DCPS: variants seen among roughly 807,000 people sequenced by gnomAD.
DCPS encodes the protein decapping enzyme, scavenger, also known as m7GpppX diphosphatase.
A neutral mutation model predicts 34.7 loss-of-function variants in DCPS; 27 were observed. The observed-to-expected ratio is 0.78, with a 90% CI of 0.57 to 1.07. The LOEUF is 1.07. Among genes scored for constraint, DCPS ranks in the 50% least tolerant of loss-of-function variants. DCPS has a pLI of 0.00. For missense variants in DCPS, 464 were observed against 436.9 expected, an observed-to-expected ratio of 1.06 and a Z score of -0.55; for synonymous variants, 185 against 185.7, an observed-to-expected ratio of 1.00 and a Z score of 0.03.
At position 126,320,709 on chromosome 11, in the gene DCPS, G is replaced by T. The variant is rs572205246; in HGVS notation, c.377-10696G>T. The stretch of plus-strand genomic sequence containing the variant: ...TTCCAGCTACCTGGGAGGTTGAGAC[G>T]GGAAGATCACTTCAGTCCAGGACAT... On this transcript the variant is annotated intron_variant, in intron 2 of 5. Coordinates refer to ENST00000263579, the MANE Select transcript of DCPS (RefSeq NM_014026.6). The surrounding 1 kb of genome is among the most constrained non-coding windows in gnomAD (Gnocchi z 4.7). 1.3e-3 allele frequency among the ~76,000 whole-genome samples: 195 copies of T among 152,146 alleles called. No individual in the cohort carries two copies. The highest frequency in any genetic ancestry group is 4.6e-3 in the African/African-American group (189 of 41,504).
chr11:126,345,405 AC>A lies in DCPS; in HGVS notation c.808del (p.Leu270CysfsTer32). 1 of 1,614,174 alleles carries A rather than the reference AC, an allele frequency of 6.2e-7. No homozygotes were observed. Among genetic ancestry groups the A allele is most frequent in the South Asian group, 1.1e-5 (1 of 91,086 alleles). On this transcript the variant is annotated frameshift_variant, in exon 6 of 6. Coordinates refer to ENST00000263579, the MANE Select transcript of DCPS (RefSeq NM_014026.6). LOFTEE classifies it high-confidence loss of function. The surrounding 1 kb of genome is among the most constrained non-coding windows in gnomAD (Gnocchi z 7.4). The part of the protein sequence containing the change: ...KGDHLRVYLH[Y>X]LPSYYHLHVH... The stretch of plus-strand genomic sequence containing the variant: ...GACCATCTGCGAGTATACCTGCACT[AC>A]CTGCCCTCCTACTACCACCTGCATG...
intron 2 of DCPS, among the ~76,000 whole-genome samples, chr11:126,318,028 C>T (rs1328640972): frequency 2.6e-5 from 4 of 152,148 alleles, no homozygotes; most frequent in African/African-American, 4.8e-5. Flanking sequence ...GGAGTTTTGC[C>T]ATCCGGTCCT....
chr11:126,332,310 G>A lies in DCPS; in HGVS notation c.522+760G>A, dbSNP rs1951800129. 6.6e-6 allele frequency among the ~76,000 whole-genome samples: 1 copy of A among 152,222 alleles called. No homozygotes were observed. The highest frequency in any genetic ancestry group is 2.1e-4 in the South Asian group (1 of 4,832). On this transcript the variant is annotated intron_variant, in intron 3 of 5. Coordinates refer to ENST00000263579, the MANE Select transcript of DCPS (RefSeq NM_014026.6). The surrounding 1 kb of genome is among the most constrained non-coding windows in gnomAD (Gnocchi z 5.4). ...AGCTCCAAGATCCTGACTCCTCCCTGGGCCTAGGCCCAGCGCCAACTGGAG... is the reference window on the plus strand; with the variant it reads ...AGCTCCAAGATCCTGACTCCTCCCTAGGCCTAGGCCCAGCGCCAACTGGAG...
chr11:126,348,556 G>C lies in DCPS; in HGVS notation c.*2943G>C, dbSNP rs753983541. Among the ~76,000 whole-genome samples, 5 of 152,210 alleles carry C rather than the reference G, an allele frequency of 3.3e-5. No homozygotes were observed. The highest frequency in any genetic ancestry group is 6.5e-5 in the Admixed American group (1 of 15,278). ...GGGCTTATCACCCTCAAGGTCTAGA[G>C]TGCACCAGGGTTGGCTGCTCTGCCA... is the stretch of plus-strand genomic sequence containing the variant. On this transcript the variant is annotated 3_prime_UTR_variant, in exon 6 of 6. Transcript: ENST00000263579. This position sits in a 1 kb window ranked among gnomAD's most constrained non-coding sequence, Gnocchi z 5.3.
intron 2 of DCPS, among the ~76,000 whole-genome samples, chr11:126,314,112 T>A (rs780172592): frequency 3.3e-5 from 5 of 152,242 alleles, no homozygotes; most frequent in Non-Finnish European, 7.3e-5. Context: ...GGCCAGCCGC[T>A]TTTCTCCCCA....
Position 126,327,464 on chromosome 11 carries a change from T to C in DCPS, c.377-3941T>C, listed in dbSNP as rs537194086. ...CTGCTGTAAAGCGACTCGTGTTCCC[T>C]TTGTAATTAATAAGTAATCTATGGG... On this transcript the variant is annotated intron_variant, in intron 2 of 5. Transcript: ENST00000263579. The surrounding 1 kb of genome is among the most constrained non-coding windows in gnomAD (Gnocchi z 4.1). 6.6e-6 allele frequency among the ~76,000 whole-genome samples: 1 copy of C among 152,204 alleles called. No homozygotes were observed. The highest frequency in any genetic ancestry group is 1.5e-5 in the Non-Finnish European group (1 of 68,042).
In DCPS at chr11:126,345,632, G is replaced by T. The variant is rs1232622746; in HGVS notation, c.*19G>T. The T allele has an allele frequency of 6.2e-7, 1 of 1,603,980 alleles. No homozygotes were observed. The highest frequency in any genetic ancestry group is 2.2e-5 in the East Asian group (1 of 44,636). On this transcript the variant is annotated 3_prime_UTR_variant, in exon 6 of 6. Coordinates refer to ENST00000263579, the MANE Select transcript of DCPS (RefSeq NM_014026.6). The surrounding 1 kb of genome is among the most constrained non-coding windows in gnomAD (Gnocchi z 7.4). ...AAGCTGAATTAACTCAGGCAGAAGA[G>T]CACAGATGTGTGGGATTGGGGGAGG...
chr11:126,339,055 C>T (rs558189774), intron 4 of DCPS, among the ~76,000 whole-genome samples: 11 of 152,354 alleles, frequency 7.2e-5, no homozygotes, highest in African/African-American at 2.6e-4. Context: ...TTACCACCAC[C>T]TCTTTTATAC....
At position 126,345,366 on chromosome 11, in the gene DCPS, A is replaced by C. The variant is rs749310940; in HGVS notation, c.767A>C (p.Tyr256Ser). The change falls in exon 6 of 6, where the codon TAC (tyrosine) becomes TCC (serine). Residue 256 changes from tyrosine (Y) to serine (S), a missense_variant. By Grantham distance (144) the Tyr-to-Ser change is moderately radical. Coordinates refer to ENST00000263579, the MANE Select transcript of DCPS (RefSeq NM_014026.6). The surrounding 1 kb of genome is among the most constrained non-coding windows in gnomAD (Gnocchi z 7.4). Reference sequence around the variant, plus strand: ...CATCAGGAGGCCATCCTGCAGCGCTACCGGATGAAGGGAGACCATCTGCGA... The same window carrying C: ...CATCAGGAGGCCATCCTGCAGCGCTCCCGGATGAAGGGAGACCATCTGCGA... ...HQGQEAILQR[Y>S]RMKGDHLRVY... The C allele has an allele frequency of 6.2e-7, 1 of 1,614,058 alleles. No homozygotes were observed. The highest frequency in any genetic ancestry group is 1.1e-5 in the South Asian group (1 of 91,088).
At chr11:126,321,369 A>G (rs1951705513) in intron 2 of DCPS, among the ~76,000 whole-genome samples, 1 of 152,024 alleles carries the variant, frequency 6.6e-6, no homozygotes, top group Non-Finnish European at 1.5e-5. Flanking sequence ...GTGGATGTTT[A>G]CACCTTGAGC....
rs1368315584 is a variant in DCPS at position 126,329,186 on chromosome 11, T to G, written c.377-2219T>G. ...ACCTCTGGCCCATGACCTATGACGC[T>G]GAGCTGTTAGAGAACAGAGTGAGAA... On this transcript the variant is annotated intron_variant, in intron 2 of 5. Coordinates refer to ENST00000263579, the MANE Select transcript of DCPS (RefSeq NM_014026.6). The surrounding 1 kb of genome is among the most constrained non-coding windows in gnomAD (Gnocchi z 5.0). 6.6e-6 allele frequency among the ~76,000 whole-genome samples: 1 copy of G among 152,212 alleles called. No individual in the cohort carries two copies. The highest frequency in any genetic ancestry group is 1.5e-5 in the Non-Finnish European group (1 of 68,038).
Position 126,334,316 on chromosome 11 carries a change from G to T in DCPS, c.522+2766G>T, listed in dbSNP as rs139394858. Among the ~76,000 whole-genome samples the T allele has an allele frequency of 1.3e-5, 2 of 152,074 alleles. No homozygotes were observed. The highest frequency in any genetic ancestry group is 2.9e-5 in the Non-Finnish European group (2 of 68,024). On this transcript the variant is annotated intron_variant, in intron 3 of 5. Transcript: ENST00000263579. The surrounding 1 kb of genome is among the most constrained non-coding windows in gnomAD (Gnocchi z 5.5). Reference sequence around the variant, plus strand: ...CAAGAACTGCTCTAAGCATTTATGCGCATCACACCTCATTTATTTATTTAT... The same window carrying T: ...CAAGAACTGCTCTAAGCATTTATGCTCATCACACCTCATTTATTTATTTAT...
chr11:126,306,464 A>G, intron 1 of DCPS, 106 bp from the exon 2 acceptor site: 1 of 1,258,154 alleles, frequency 7.9e-7, no homozygotes, highest in Non-Finnish European at 1.1e-6. Context: ...CAGGGAAGGA[A>G]ATCCCAAGTA....
intron 2 of DCPS, among the ~76,000 whole-genome samples, chr11:126,314,536 A>C (rs759162263): frequency 6.6e-6 from 1 of 152,192 alleles, no homozygotes; most frequent in Non-Finnish European, 1.5e-5. Flanking sequence ...AGATATTTGC[A>C]CATACATGTT....
intron 4 of DCPS, among the ~76,000 whole-genome samples, chr11:126,339,467 G>C (rs1002659401): frequency 6.6e-6 from 1 of 152,224 alleles, no homozygotes; most frequent in African/African-American, 2.4e-5. Flanking sequence ...GGGTAAAGGG[G>C]TGGGATTGTG....
intron 2 of DCPS, among the ~76,000 whole-genome samples, chr11:126,309,696 A>G (rs1182651420): frequency 1.3e-5 from 2 of 152,158 alleles, no homozygotes; most frequent in African/African-American, 4.8e-5. Flanking sequence ...GGGATTTGGA[A>G]GTCGCAGCGG....
chr11:126,340,891 T>C (rs866897485), intron 4 of DCPS: 1 of 152,262 alleles, frequency 6.6e-6, no homozygotes, highest in African/African-American at 2.4e-5. Context: ...GTGTGTTCTT[T>C]TTTTTTATTT....
rs537579366 is a variant in DCPS, at chr11:126,335,023, G to T, written c.523-3263G>T. Among the ~76,000 whole-genome samples, 2 of 152,226 alleles carry T rather than the reference G, an allele frequency of 1.3e-5. No homozygotes were observed. Among genetic ancestry groups the T allele is most frequent in the Non-Finnish European group, 2.9e-5 (2 of 68,046 alleles). ...TTGAGAGAGGTGCCATATATCATGT[G>T]CCTGCTATTGTTTCCAGCACAGAAT... On this transcript the variant is annotated intron_variant, in intron 3 of 5. Coordinates refer to ENST00000263579, the MANE Select transcript of DCPS (RefSeq NM_014026.6). The surrounding 1 kb of genome is among the most constrained non-coding windows in gnomAD (Gnocchi z 4.8).
At chr11:126,324,142 A>G (rs1951725136) in intron 2 of DCPS, among the ~76,000 whole-genome samples, 1 of 152,018 alleles carries the variant, frequency 6.6e-6, no homozygotes, top group Non-Finnish European at 1.5e-5. Flanking sequence ...CTAAAGTTGT[A>G]TTTCTACAGT....
Sources: allele counts gnomAD v4.1 joint callset (sites outside exome capture counted in the v4.1 genomes callset), GRCh38; gene constraint gnomAD v4.1.1; non-coding constraint Gnocchi (gnomAD v3.1); transcripts MANE v1.5; gene names NCBI Gene and HGNC (gene_info 2026-07-23, HGNC 2026-07-21).